PELI2: variants seen among roughly 807,000 people sequenced by gnomAD.
PELI2 encodes E3 ubiquitin-protein ligase pellino homolog 2.
PELI2 carries 23 observed loss-of-function variants against 42.3 expected under a neutral mutation model. That is an observed-to-expected ratio of 0.54 (90% confidence interval 0.39 to 0.77). The LOEUF is 0.77. Among genes scored for constraint, PELI2 ranks in the 30% least tolerant of loss-of-function variants. The pLI is 0.00. For missense variants in PELI2, 463 were observed against 553.2 expected (o/e 0.84, Z 1.64); for synonymous variants, 245 against 212.2 (o/e 1.15, Z -1.34).
intron 1 of PELI2, among the ~76,000 whole-genome samples, chr14:56,148,049 T>C (rs1884197932): frequency 6.6e-6 from 1 of 152,224 alleles, no homozygotes; most frequent in Non-Finnish European, 1.5e-5. Flanking sequence ...GATCGTTATC[T>C]TTCCCTGGTA....
intron 2 of PELI2, among the ~76,000 whole-genome samples, chr14:56,193,894 A>T (rs1374553157): frequency 1.3e-5 from 2 of 152,186 alleles, no homozygotes; most frequent in Non-Finnish European, 2.9e-5. Flanking sequence ...GAAGATTCTG[A>T]TTCCTCCTGT....
intron 1 of PELI2, among the ~76,000 whole-genome samples, chr14:56,138,157 C>T (rs1362949736): frequency 6.6e-5 from 10 of 152,150 alleles, no homozygotes; most frequent in Admixed American, 3.3e-4. Flanking sequence ...CTCACCAGAG[C>T]GTTACAGGGC....
intron 5 of PELI2, chr14:56,292,780 G>A: frequency 2.0e-6 from 2 of 976,082 alleles, no homozygotes; most frequent in Non-Finnish European, 2.4e-6. Flanking sequence ...TGGGGGAAAT[G>A]TCTTTTCAGG....
rs562758232 is a variant in PELI2, at chr14:56,271,374, G to A, written c.208-8302G>A. On this transcript the variant is annotated intron_variant, in intron 2 of 5. Coordinates refer to ENST00000267460, the MANE Select transcript of PELI2 (RefSeq NM_021255.3). ...TTTTATTATTATGTTTTCCCATACC[G>A]ATTAAAATGTTTCTACAGCAATACA... is the stretch of plus-strand genomic sequence containing the variant. Among the ~76,000 whole-genome samples, 397 of 151,738 alleles carry A rather than the reference G, an allele frequency of 2.6e-3. 1 individual carries two copies. Among genetic ancestry groups the A allele is most frequent in the African/African-American group, 9.3e-3 (383 of 41,090 alleles).
chr14:56,249,434 C>G, intron 2 of PELI2, among the ~76,000 whole-genome samples: 1 of 152,136 alleles, frequency 6.6e-6, no homozygotes, highest in African/African-American at 2.4e-5. Context: ...GTTTTCCCTC[C>G]TATTTAAATC....
At chr14:56,125,992 A>G (rs1883244281) in intron 1 of PELI2, among the ~76,000 whole-genome samples, 1 of 152,360 alleles carries the variant, frequency 6.6e-6, no homozygotes, top group South Asian at 2.1e-4. Context: ...GCACAACTGC[A>G]GTTTTGTAAA....
intron 2 of PELI2, among the ~76,000 whole-genome samples, chr14:56,237,889 C>G (rs1887851821): frequency 6.6e-6 from 1 of 151,836 alleles, no homozygotes; most frequent in African/African-American, 2.4e-5. Flanking sequence ...CCACTCCCTA[C>G]TCCTCCTACC....
intron 2 of PELI2, among the ~76,000 whole-genome samples, chr14:56,257,167 A>T (rs1192204158): frequency 6.6e-6 from 1 of 152,206 alleles, no homozygotes; most frequent in Non-Finnish European, 1.5e-5. Flanking sequence ...TACCTGCCAG[A>T]TCAGAGAAGA....
intron 3 of PELI2, among the ~76,000 whole-genome samples, chr14:56,286,918 G>A (rs1266528313): frequency 2.0e-5 from 3 of 152,122 alleles, no homozygotes; most frequent in Non-Finnish European, 1.5e-5. Flanking sequence ...GATCCTAGCA[G>A]GCTGTTCCAG....
chr14:56,242,368 A>G (rs932862740), intron 2 of PELI2, among the ~76,000 whole-genome samples: 2 of 152,224 alleles, frequency 1.3e-5, no homozygotes, highest in African/African-American at 2.4e-5. Context: ...ATTTTATATT[A>G]GCAGCTTGGG....
intron 2 of PELI2, among the ~76,000 whole-genome samples, chr14:56,271,698 G>T (rs7146919): frequency 2.0e-5 from 3 of 152,184 alleles, no homozygotes; most frequent in Non-Finnish European, 4.4e-5. Flanking sequence ...GAACACAAGC[G>T]TACATTACGT....
In PELI2 at chr14:56,121,720, G is replaced by A. The variant is rs571795623; in HGVS notation, c.77+2983G>A. On this transcript the variant is annotated intron_variant, in intron 1 of 5. Transcript: ENST00000267460. ...CTTGCTGACTGGCTCTGTGACTTTG[G>A]CTTAATTCCTCCTCCTCCTCTCTGT... Among the ~76,000 whole-genome samples the A allele has an allele frequency of 3.3e-4, 50 of 152,276 alleles. 1 individual carries two copies. The East Asian group carries it at 9.3e-3, about 28-fold the overall frequency.
At chr14:56,220,655 G>A (rs1252656647) in intron 2 of PELI2, among the ~76,000 whole-genome samples, 3 of 152,162 alleles carry the variant, frequency 2.0e-5, no homozygotes, top group Non-Finnish European at 2.9e-5. Context: ...AAAGGAGGGA[G>A]TGAAAGAAGA....
intron 2 of PELI2, among the ~76,000 whole-genome samples, chr14:56,272,311 A>G (rs1252497989): frequency 6.6e-6 from 1 of 152,236 alleles, no homozygotes; most frequent in Non-Finnish European, 1.5e-5. Context: ...AAAGAATTTC[A>G]TTTTATTTGA....
intron 2 of PELI2, among the ~76,000 whole-genome samples, chr14:56,257,457 A>G (rs1403123411): frequency 3.3e-5 from 5 of 152,238 alleles, no homozygotes; most frequent in Admixed American, 3.3e-4. Context: ...TGTTTAAATT[A>G]TTAAAATTAT....
intron 1 of PELI2, among the ~76,000 whole-genome samples, chr14:56,155,275 G>A (rs888342108): frequency 1.1e-4 from 16 of 150,272 alleles, no homozygotes; most frequent in African/African-American, 3.9e-4. Context: ...TTGCTTTTAT[G>A]TTAGGAACAT....
chr14:56,203,842 G>A (rs2343602), intron 2 of PELI2, among the ~76,000 whole-genome samples: 139,788 of 152,082 alleles, frequency 0.92, 64,564 homozygotes, highest in African/African-American at 0.97. Context: ...AAATTAGAGT[G>A]GAGAAAATCG....
In PELI2 at chr14:56,290,319, A is replaced by G; in HGVS notation, c.559A>G (p.Thr187Ala). 6.2e-7 allele frequency: 1 copy of G among 1,613,256 alleles called. No individual in the cohort carries two copies. Among genetic ancestry groups the G allele is most frequent in the Non-Finnish European group, 8.5e-7 (1 of 1,179,508 alleles). The change falls in exon 5 of 6, where the codon ACT becomes GCT. Residue 187 changes from threonine (T) to alanine (A), a missense_variant. By Grantham distance (58) the Thr-to-Ala change is moderately conservative. Transcript: ENST00000267460. ...NPDGHMDGLTTNGVLVMHPRG... is the reference protein window; with the variant it reads ...NPDGHMDGLTANGVLVMHPRG... ...CGACGGCCACATGGATGGGCTCACT[A>G]CTAATGGCGTCCTGGTGATGCATCC... is the stretch of plus-strand genomic sequence containing the variant.
intron 2 of PELI2, among the ~76,000 whole-genome samples, chr14:56,247,330 A>G (rs921434451): frequency 6.6e-6 from 1 of 152,216 alleles, no homozygotes; most frequent in African/African-American, 2.4e-5. Context: ...TTGTTGCTAC[A>G]AAGTATACTC....
Sources: gnomAD v4.1 joint callset for allele counts (sites outside exome capture counted in the v4.1 genomes callset) on GRCh38, gnomAD v4.1.1 for gene constraint, MANE v1.5 for transcripts, NCBI Gene and HGNC (gene_info 2026-07-23, HGNC 2026-07-21) for gene names.